The following SLC17A6 variants were observed in gnomAD, a reference collection of about 807,000 sequenced individuals.
SLC17A6 encodes the protein solute carrier family 17 member 6, also known as vesicular glutamate transporter 2.
In SLC17A6, 35 loss-of-function variants were observed where a neutral mutation model predicts 67.1. The observed-to-expected ratio is 0.52, with a 90% CI of 0.40 to 0.69. The LOEUF is 0.69. SLC17A6 is among the 30% of genes least tolerant of loss of function. The pLI, the probability that SLC17A6 is intolerant of heterozygous loss-of-function variation, is 0.00. For missense variants in SLC17A6, 588 were observed against 723.9 expected (o/e 0.81, Z 2.15); for synonymous variants, 285 against 252.3 (o/e 1.13, Z -1.23).
chr11:22,357,934 G>C (rs899739374), intron 3 of SLC17A6, among the ~76,000 whole-genome samples: 1 of 152,178 alleles, frequency 6.6e-6, no homozygotes, highest in Admixed American at 6.5e-5. Flanking sequence ...CTAAGGGAAG[G>C]CGGGTACAGG....
At chr11:22,373,027 A>G (rs1401273723) in intron 8 of SLC17A6, among the ~76,000 whole-genome samples, 2 of 152,152 alleles carry the variant, frequency 1.3e-5, no homozygotes, top group African/African-American at 4.8e-5. Flanking sequence ...AACTTATCTC[A>G]TTAACCCTGT....
chr11:22,347,259 T>A (rs78760744), intron 3 of SLC17A6, among the ~76,000 whole-genome samples: 1 of 152,008 alleles, frequency 6.6e-6, no homozygotes, highest in African/African-American at 2.4e-5. Flanking sequence ...AAAAAAGCAG[T>A]AAGATTTAGG....
rs1856023879 is a variant in SLC17A6 at position 22,359,281 on chromosome 11, A to G, written c.459-132A>G. On this transcript the variant is annotated intron_variant, in intron 3 of 11. Transcript: ENST00000263160. ...TGTTAAGTCCAGAACATATATTAGA[A>G]AAAACAATCTACCTTAAAATTATTG... 4 of 468,190 alleles carry G rather than the reference A, an allele frequency of 8.5e-6. No individual in the cohort carries two copies. The East Asian group carries it at 1.4e-4, about 17-fold the overall frequency. The allele number at this position is 468,190 out of a possible 1,614,324, so 29.0% of individuals were successfully genotyped here.
At chr11:22,366,420 C>T (rs988383645) in intron 7 of SLC17A6, among the ~76,000 whole-genome samples, 7 of 151,996 alleles carry the variant, frequency 4.6e-5, no homozygotes, top group African/African-American at 1.7e-4. Context: ...GATACTGAAG[C>T]ATTAGAATGC....
Position 22,364,156 on chromosome 11 carries a change from A to G in SLC17A6, c.748+1331A>G, listed in dbSNP as rs185468811. Among the ~76,000 whole-genome samples the G allele has an allele frequency of 1.6e-3, 248 of 152,298 alleles. No homozygotes were observed. In the Middle Eastern group the frequency reaches 0.02, roughly 13 times the overall value. ...TAACAATAATTTGGTCTGGAGTCAC[A>G]CATTCAGTTTTCGCATTTTAAAGAT... On this transcript the variant is annotated intron_variant, in intron 6 of 11. Transcript: ENST00000263160.
At chr11:22,372,065 A>G (rs893774156) in intron 8 of SLC17A6, among the ~76,000 whole-genome samples, 1 of 152,076 alleles carries the variant, frequency 6.6e-6, no homozygotes, top group African/African-American at 2.4e-5. Context: ...TAAGAAGTGC[A>G]GCCAAATTTA....
intron 2 of SLC17A6, 76 bp downstream of exon 2, chr11:22,341,856 C>A: frequency 1.3e-6 from 2 of 1,522,764 alleles, no homozygotes; most frequent in Non-Finnish European, 1.8e-6. Context: ...CTGTTTGAGC[C>A]CCGTTCCCCC....
chr11:22,371,007 T>G (rs1206021521), intron 8 of SLC17A6, among the ~76,000 whole-genome samples: 1 of 152,100 alleles, frequency 6.6e-6, no homozygotes, highest in Non-Finnish European at 1.5e-5. Flanking sequence ...TCATTTCTAT[T>G]GAAATGATGG....
intron 3 of SLC17A6, among the ~76,000 whole-genome samples, chr11:22,352,422 G>A (rs1213090319): frequency 1.3e-5 from 2 of 152,162 alleles, no homozygotes; most frequent in African/African-American, 2.4e-5. Context: ...AGCTAGAGAA[G>A]AAATAAATGA....
At chr11:22,343,706 A>C (rs1855845097) in intron 3 of SLC17A6, among the ~76,000 whole-genome samples, 1 of 152,158 alleles carries the variant, frequency 6.6e-6, no homozygotes. Flanking sequence ...GCCTGAGTGC[A>C]CAAAGGGGTG....
Position 22,376,532 on chromosome 11 carries a change from G to T in SLC17A6, c.1286-13G>T, listed in dbSNP as rs749061082. 2.5e-6 allele frequency: 4 copies of T among 1,613,726 alleles called. No individual in the cohort carries two copies. The highest frequency in any genetic ancestry group is 3.4e-6 in the Non-Finnish European group (4 of 1,179,830). On this transcript the variant is annotated splice_polypyrimidine_tract_variant and intron_variant, in intron 10 of 11. Coordinates refer to ENST00000263160, the MANE Select transcript of SLC17A6 (RefSeq NM_020346.3). ...TAGGATGCCCTGAGTCAAAACTTAT[G>T]TGTGTATTTCAGGTTTCAATGTTAA...
intron 8 of SLC17A6, 144 bp from the exon 9 acceptor site, chr11:22,374,611 G>T: frequency 1.6e-6 from 1 of 636,882 alleles, no homozygotes; most frequent in Non-Finnish European, 2.5e-6. Flanking sequence ...CTTTTTCTAG[G>T]AATGAGTAAG....
chr11:22,377,761 A>C lies in SLC17A6; in HGVS notation c.*21A>C. The C allele has an allele frequency of 6.6e-7, 1 of 1,512,898 alleles. No individual in the cohort carries two copies. The highest frequency in any genetic ancestry group is 8.9e-7 in the Non-Finnish European group (1 of 1,128,034). 93.7% of individuals were successfully genotyped at this position (1,512,898 alleles called of 1,614,324 possible). ...CATAACAAAACTAATTACTGGATTT[A>C]TTTTTAGTGTTTGTGATTAAATTCA... On this transcript the variant is annotated 3_prime_UTR_variant, in exon 12 of 12. Coordinates refer to ENST00000263160, the MANE Select transcript of SLC17A6 (RefSeq NM_020346.3).
Position 22,376,643 on chromosome 11 carries a change from A to G in SLC17A6, c.1384A>G (p.Ile462Val), listed in dbSNP as rs1452678413. 1.2e-6 allele frequency: 2 copies of G among 1,613,850 alleles called. No individual in the cohort carries two copies. The highest frequency in any genetic ancestry group is 2.7e-5 in the African/African-American group (2 of 74,920). Reference protein sequence around the residue: ...VGTLSGMVCPIIVGAMTKNKS... With the variant: ...VGTLSGMVCPVIVGAMTKNKS... Reference sequence around the variant, plus strand: ...CACATTGTCAGGAATGGTTTGTCCTATCATTGTTGGTGCAATGACAAAGAA... The same window carrying G: ...CACATTGTCAGGAATGGTTTGTCCTGTCATTGTTGGTGCAATGACAAAGAA... The change falls in exon 11 of 12, where the codon ATC (isoleucine) becomes GTC (valine). Residue 462 changes from isoleucine to valine, a missense_variant. By Grantham distance (29) the Ile-to-Val change is conservative (BLOSUM62 3). Coordinates refer to ENST00000263160, the MANE Select transcript of SLC17A6 (RefSeq NM_020346.3).
intron 5 of SLC17A6, 37 bp from the exon 6 acceptor site, chr11:22,362,702 T>G: frequency 6.6e-7 from 1 of 1,515,190 alleles, no homozygotes; most frequent in East Asian, 2.3e-5. Flanking sequence ...TTCTACTGAT[T>G]TCACTCACCT....
At chr11:22,343,913 C>T (rs754150337) in intron 3 of SLC17A6, among the ~76,000 whole-genome samples, 3 of 152,074 alleles carry the variant, frequency 2.0e-5, no homozygotes, top group Non-Finnish European at 4.4e-5. Flanking sequence ...TGCGTAGGGG[C>T]GGGCGTTGGG....
chr11:22,340,806 A>C (rs913245562), intron 1 of SLC17A6, among the ~76,000 whole-genome samples: 2 of 152,180 alleles, frequency 1.3e-5, no homozygotes, highest in African/African-American at 4.8e-5. Flanking sequence ...TAAGCATTGA[A>C]CTAGAGCCCT....
intron 7 of SLC17A6, among the ~76,000 whole-genome samples, chr11:22,368,219 T>A (rs906962455): frequency 1.3e-5 from 2 of 152,102 alleles, no homozygotes; most frequent in Admixed American, 1.3e-4. Context: ...AACTCCTACA[T>A]CATATTCAAA....
At chr11:22,357,304 T>C (rs1856002637) in intron 3 of SLC17A6, among the ~76,000 whole-genome samples, 1 of 152,234 alleles carries the variant, frequency 6.6e-6, no homozygotes, top group South Asian at 2.1e-4. Flanking sequence ...TAATATGGTA[T>C]CTAGCAAGTC....
Sources: gnomAD v4.1 joint callset for allele counts (sites outside exome capture counted in the v4.1 genomes callset) on GRCh38, gnomAD v4.1.1 for gene constraint, MANE v1.5 for transcripts, NCBI Gene and HGNC (gene_info 2026-07-23, HGNC 2026-07-21) for gene names.